Variants in TP53INP1 observed in about 807,000 individuals in gnomAD.
TP53INP1 encodes tumor protein p53 inducible nuclear protein 1.
A neutral mutation model predicts 21.0 loss-of-function variants in TP53INP1; 12 were observed. That is an observed-to-expected ratio of 0.57 (90% CI 0.37 to 0.93). The LOEUF is 0.93. TP53INP1 is among the 40% of genes least tolerant of loss of function. The pLI is 0.01. For synonymous variants in TP53INP1, 91 were observed against 94.8 expected, an observed-to-expected ratio of 0.96 and a Z score of 0.23; for missense variants, 274 against 294.7, an observed-to-expected ratio of 0.93 and a Z score of 0.51.
chr8:94,932,013 G>A, intron 3 of TP53INP1: 2 of 1,525,810 alleles, frequency 1.3e-6, no homozygotes, highest in Admixed American at 2.0e-5. Flanking sequence ...CAGCATTTGG[G>A]TCCTTTGCCT....
intron 1 of TP53INP1, among the ~76,000 whole-genome samples, chr8:94,941,780 T>C (rs1222493993): frequency 1.3e-5 from 2 of 152,228 alleles, no homozygotes; most frequent in South Asian, 2.1e-4. Flanking sequence ...TAGGAAGTTA[T>C]GTGACTTCAG....
chr8:94,927,369 T>G lies in TP53INP1; in HGVS notation c.*3110A>C, dbSNP rs1319843315. On this transcript the variant is annotated 3_prime_UTR_variant, in exon 4 of 4. Coordinates refer to ENST00000342697, the MANE Select transcript of TP53INP1 (RefSeq NM_033285.4). Reference sequence around the variant, plus strand: ...ATACAGATTTCAGAAGCAGAAACAATGCTGAACAGCCTGCTCAAGTTTTAA... The same window carrying G: ...ATACAGATTTCAGAAGCAGAAACAAGGCTGAACAGCCTGCTCAAGTTTTAA... The G allele has an allele frequency of 6.6e-6, 1 of 152,152 alleles. No individual in the cohort carries two copies. Among genetic ancestry groups the G allele is most frequent in the Non-Finnish European group, 1.5e-5 (1 of 68,014 alleles). The allele number at this position is 152,152 out of a possible 1,614,324, so 9.4% of individuals were successfully genotyped here.
chr8:94,931,096 A>G (rs536563409), intron 3 of TP53INP1, among the ~76,000 whole-genome samples: 1 of 152,380 alleles, frequency 6.6e-6, no homozygotes, highest in South Asian at 2.1e-4. Flanking sequence ...TTGCAAATAT[A>G]TATTTTAATT....
At position 94,930,499 on chromosome 8, in the gene TP53INP1, G is replaced by A. The variant is rs771535529; in HGVS notation, c.703C>T (p.Pro235Ser). 1.2e-6 allele frequency: 2 copies of A among 1,614,074 alleles called. No individual in the cohort carries two copies. The highest frequency in any genetic ancestry group is 2.7e-5 in the African/African-American group (2 of 74,922). ...AACTATTAGTAATTGTACTGACGCG[G>A]GCAGGGCTGATGAACAACCCAGCCA... ...HNGWVVHQPC[P>S]RQYNY Residue 235 changes from proline (P) to serine (S), a missense_variant, in exon 4 of 4, where the codon CCG (proline) becomes TCG (serine). Pro to Ser is a moderately conservative substitution (Grantham distance 74). Transcript: ENST00000342697.
At chr8:94,946,710 A>AAAAAAAAAAAG (rs1488433092) in intron 1 of TP53INP1, among the ~76,000 whole-genome samples, 1 of 147,938 alleles carries the variant, frequency 6.8e-6, no homozygotes, top group Non-Finnish European at 1.5e-5. Context: ...AAAAAAAAAA[A>AAAAAAAAAAAG]AAAAAAAAAA....
At chr8:94,934,068 ACT>A (rs933910685) in intron 3 of TP53INP1, among the ~76,000 whole-genome samples, 13 of 151,178 alleles carry the variant, frequency 8.6e-5, no homozygotes, top group Middle Eastern at 3.4e-3. Context: ...CAAGAGTGAA[ACT>A]CTGTCTCAAA....
chr8:94,939,902 G>A lies in TP53INP1; in HGVS notation c.431C>T (p.Ala144Val). 1.9e-6 allele frequency: 3 copies of A among 1,614,076 alleles called. No homozygotes were observed. Among genetic ancestry groups the A allele is most frequent in the African/African-American group, 1.3e-5 (1 of 75,034 alleles). ...ATGTAATTCATCAGTCCCACGGGTG[G>A]CCTCACTGAGACCAGGGCAGGAGTT... The part of the protein sequence containing the change: ...VHNSCPGLSE[A>V]TRGTDELHSP... Residue 144 changes from alanine (A) to valine (V), a missense_variant, in exon 3 of 4, where the codon GCC (alanine) becomes GTC (valine). Transcript: ENST00000342697.
chr8:94,932,574 C>A (rs1383048585), intron 3 of TP53INP1, among the ~76,000 whole-genome samples: 1 of 152,142 alleles, frequency 6.6e-6, no homozygotes, highest in Non-Finnish European at 1.5e-5. Flanking sequence ...GAGGCTGAGG[C>A]GGGCGGATCG....
At chr8:94,931,587 TACACAC>T (rs557721378) in intron 3 of TP53INP1, among the ~76,000 whole-genome samples, 16 of 68,532 alleles carry the variant, frequency 2.3e-4, no homozygotes, top group African/African-American at 5.1e-4. Flanking sequence ...ACATATTTAT[TACACAC>T]ACACACACAC....
intron 3 of TP53INP1, among the ~76,000 whole-genome samples, chr8:94,939,265 C>G (rs1389832850): frequency 6.6e-6 from 1 of 152,164 alleles, no homozygotes; most frequent in Non-Finnish European, 1.5e-5. Flanking sequence ...TCTATAAAGT[C>G]AGAGTTATGT....
At chr8:94,936,542 C>G (rs1049808851) in intron 3 of TP53INP1, among the ~76,000 whole-genome samples, 3 of 152,142 alleles carry the variant, frequency 2.0e-5, no homozygotes, top group Non-Finnish European at 4.4e-5. Context: ...GGCTGAACTG[C>G]ACGCTGTTTT....
chr8:94,933,719 C>T (rs573467355), intron 3 of TP53INP1, among the ~76,000 whole-genome samples: 30 of 144,988 alleles, frequency 2.1e-4, no homozygotes, highest in African/African-American at 5.4e-4. Context: ...GAGCTGAGAT[C>T]GCGCCACTGC....
chr8:94,935,176 T>TAGATAGATAG (rs1563725845), intron 3 of TP53INP1, among the ~76,000 whole-genome samples: 27 of 80,944 alleles, frequency 3.3e-4, no homozygotes, highest in African/African-American at 1.1e-3. Flanking sequence ...TAGATAGATA[T>TAGATAGATAG]AATACAATAC....
At chr8:94,939,813 G>C (rs1035389858) in intron 3 of TP53INP1, 47 bp downstream of exon 3, 9 of 1,571,740 alleles carry the variant, frequency 5.7e-6, no homozygotes, top group Middle Eastern at 1.8e-4. Context: ...GAGACAAAAT[G>C]CATGCTCAGT....
intron 3 of TP53INP1, among the ~76,000 whole-genome samples, chr8:94,932,782 G>A (rs182678979): frequency 2.9e-4 from 44 of 151,688 alleles, no homozygotes; most frequent in East Asian, 1.4e-3. Flanking sequence ...CAGCCTGGGC[G>A]AAGGAGCGAG....
chr8:94,944,963 T>A (rs1821861485), intron 1 of TP53INP1, among the ~76,000 whole-genome samples: 1 of 152,194 alleles, frequency 6.6e-6, no homozygotes, highest in Admixed American at 6.5e-5. Flanking sequence ...AAGGAGCTAT[T>A]GGAGAGACCC....
chr8:94,945,534 G>A (rs1821909621), intron 1 of TP53INP1: 1 of 152,152 alleles, frequency 6.6e-6, no homozygotes, highest in South Asian at 2.1e-4. Context: ...ATGACCCAGA[G>A]ACTGTCCCTG....
chr8:94,935,128 T>TTAGATAGATAGATAG (rs149916195), intron 3 of TP53INP1, among the ~76,000 whole-genome samples: 33 of 144,640 alleles, frequency 2.3e-4, no homozygotes, highest in African/African-American at 8.1e-4. Context: ...GGTAGATAGA[T>TTAGATAGATAGATAG]ATAGATAGAT....
chr8:94,942,207 CT>C (rs921262568), intron 1 of TP53INP1, among the ~76,000 whole-genome samples: 7 of 148,732 alleles, frequency 4.7e-5, no homozygotes, highest in Admixed American at 2.7e-4. Context: ...CGGCTAATTT[CT>C]TTTTTTTTTA....
Sources: allele counts gnomAD v4.1 joint callset (sites outside exome capture counted in the v4.1 genomes callset), GRCh38; gene constraint gnomAD v4.1.1; transcripts MANE v1.5; gene names NCBI Gene and HGNC (gene_info 2026-07-23, HGNC 2026-07-21).